LRCH2: variants seen among roughly 807,000 people sequenced by gnomAD.
LRCH2 encodes the protein leucine-rich repeat and calponin homology domain-containing protein 2.
LRCH2 carries 38 observed loss-of-function variants against 68.9 expected under a neutral mutation model. The observed-to-expected ratio is 0.55, with a 90% confidence interval of 0.43 to 0.72. The LOEUF is 0.72. LRCH2 is among the 30% of genes least tolerant of loss of function. LRCH2 has a pLI of 0.00. For missense variants in LRCH2, 528 were observed against 572.9 expected (o/e 0.92, Z 0.80); for synonymous variants, 191 against 208.1 (o/e 0.92, Z 0.71).
At chrX:115,132,796 T>A in intron 14 of LRCH2, among the ~76,000 whole-genome samples, 1 of 111,836 alleles carries the variant, frequency 8.9e-6, no homozygotes, top group Non-Finnish European at 1.9e-5. Flanking sequence ...TATTTTTGGT[T>A]TTAATCTATG....
At chrX:115,176,675 C>T (rs201989529) in intron 5 of LRCH2, among the ~76,000 whole-genome samples, 2 of 110,823 alleles carry the variant, frequency 1.8e-5, no homozygotes, top group East Asian at 5.6e-4. Context: ...TGGTCTCTGT[C>T]TTTCATGTTA....
chrX:115,128,364 G>A (rs1236925230), intron 15 of LRCH2, among the ~76,000 whole-genome samples: 1 of 111,759 alleles, frequency 8.9e-6, no homozygotes, highest in Admixed American at 9.6e-5. Context: ...GATAGTACCA[G>A]ACCCTTTATA....
chrX:115,123,725 A>G (rs1454458888), intron 17 of LRCH2, among the ~76,000 whole-genome samples: 1 of 111,548 alleles, frequency 9.0e-6, no homozygotes, highest in Non-Finnish European at 1.9e-5. Flanking sequence ...AGACTGCAGT[A>G]TATCTAAGGC....
rs781976265 is a variant in LRCH2 at position 115,218,830 on chromosome X, C to A, written c.349+14863G>T. Reference sequence around the variant, plus strand: ...TGCCACCCTGTAGAGTGTACTTTCCCTTTCGATAAATCTCAGCTTTTGCTG... The same window carrying A: ...TGCCACCCTGTAGAGTGTACTTTCCATTTCGATAAATCTCAGCTTTTGCTG... On this transcript the variant is annotated intron_variant, in intron 1 of 20. Coordinates refer to ENST00000317135, the MANE Select transcript of LRCH2 (RefSeq NM_020871.4). Among the ~76,000 whole-genome samples the A allele has an allele frequency of 8.9e-5, 10 of 112,162 alleles. No individual in the cohort carries two copies. The South Asian group carries it at 3.7e-3, about 42-fold the overall frequency.
intron 1 of LRCH2, 59 bp from the exon 2 acceptor site, chrX:115,188,429 T>A (rs2147415384): frequency 1.2e-6 from 1 of 818,160 alleles, no homozygotes; most frequent in East Asian, 3.6e-5. Context: ...TTAAAAGAAC[T>A]ATTTTCACAC....
chrX:115,128,214 A>G (rs782810544), intron 15 of LRCH2, among the ~76,000 whole-genome samples: 2 of 111,938 alleles, frequency 1.8e-5, no homozygotes, highest in African/African-American at 3.2e-5. Context: ...GCAAGAGAAA[A>G]GAGGGTATGA....
rs782656764 is a variant in LRCH2 at position 115,183,577 on chromosome X, C to G, written c.621+834G>C. Among the ~76,000 whole-genome samples the G allele has an allele frequency of 6.3e-5, 7 of 110,660 alleles. No individual in the cohort carries two copies. The South Asian group carries it at 1.6e-3, about 25-fold the overall frequency. ...GGGTGTGGTGGCGCATGGCTGTAAT[C>G]CCAACGACTTGGGAGGCTGAGCACG... On this transcript the variant is annotated intron_variant, in intron 3 of 20. Transcript: ENST00000317135.
intron 16 of LRCH2, among the ~76,000 whole-genome samples, chrX:115,124,288 G>A (rs1249635957): frequency 9.0e-6 from 1 of 111,608 alleles, no homozygotes; most frequent in African/African-American, 3.2e-5. Flanking sequence ...CATACTTTTT[G>A]AAAGAATCAG....
chrX:115,187,774 C>T (rs782501373), intron 2 of LRCH2, among the ~76,000 whole-genome samples: 1 of 112,726 alleles, frequency 8.9e-6, no homozygotes, highest in Non-Finnish European at 1.9e-5. Flanking sequence ...GAAGTAGAAG[C>T]AAGAAGTCAC....
chrX:115,217,776 T>C (rs1420423555), intron 1 of LRCH2, among the ~76,000 whole-genome samples: 2 of 111,759 alleles, frequency 1.8e-5, no homozygotes, highest in Non-Finnish European at 3.8e-5. Flanking sequence ...ATGGTATTTC[T>C]GGTTCTAGAT....
Position 115,190,085 on chromosome X carries a change from G to A in LRCH2, c.350-1715C>T, listed in dbSNP as rs782117246. On this transcript the variant is annotated intron_variant, in intron 1 of 20. Coordinates refer to ENST00000317135, the MANE Select transcript of LRCH2 (RefSeq NM_020871.4). The stretch of plus-strand genomic sequence containing the variant: ...GCTGTGCCCCGGTCAAGCCTGGCTC[G>A]CATTGGCGGCAGTGGAATGCCTGGG... 1.6e-4 allele frequency: 181 copies of A among 1,152,681 alleles called. 1 individual carries two copies. The East Asian group carries it at 3.8e-3, about 24-fold the overall frequency. 95.0% of individuals were successfully genotyped at this position (1,152,681 alleles called of 1,213,427 possible).
intron 5 of LRCH2, among the ~76,000 whole-genome samples, chrX:115,171,217 A>C (rs1556547474): frequency 1.8e-5 from 2 of 111,680 alleles, no homozygotes; most frequent in Non-Finnish European, 3.8e-5. Context: ...CATGCAAAAA[A>C]ATCAGCAAAG....
chrX:115,156,020 G>C (rs185266627), intron 12 of LRCH2, among the ~76,000 whole-genome samples: 1 of 111,661 alleles, frequency 9.0e-6, no homozygotes, highest in African/African-American at 3.2e-5. Flanking sequence ...CAGACTTAAA[G>C]CTAGGCAAAC....
In LRCH2 at chrX:115,228,428, T is replaced by C. The variant is rs147982925; in HGVS notation, c.349+5265A>G. ...AGCCTCTGCAGAATGGGGAGGTGTG[T>C]ATCATGCAGTTAAGGCATCTCACAG... On this transcript the variant is annotated intron_variant, in intron 1 of 20. Transcript: ENST00000317135. Among the ~76,000 whole-genome samples the C allele has an allele frequency of 2.2e-3, 244 of 111,468 alleles. 1 individual carries two copies. Among genetic ancestry groups the C allele is most frequent in the Middle Eastern group, 9.2e-3 (2 of 218 alleles).
intron 5 of LRCH2, among the ~76,000 whole-genome samples, chrX:115,178,706 G>C (rs1371306781): frequency 8.9e-6 from 1 of 111,757 alleles, no homozygotes; most frequent in Non-Finnish European, 1.9e-5. Context: ...AACCCCTTTA[G>C]AATGAGTGGA....
intron 12 of LRCH2, 21 bp from the exon 13 acceptor site, chrX:115,150,091 T>C: frequency 9.4e-7 from 1 of 1,059,401 alleles, no homozygotes; most frequent in African/African-American, 1.9e-5. Context: ...GAAGATGCCT[T>C]AATACGTTAA....
chrX:115,119,991 C>G (rs1206584826), intron 20 of LRCH2, among the ~76,000 whole-genome samples: 2 of 110,997 alleles, frequency 1.8e-5, no homozygotes, highest in East Asian at 5.6e-4. Flanking sequence ...AACTGGATCC[C>G]TTCCTTACAC....
At position 115,122,506 on chromosome X, in the gene LRCH2, T is replaced by C. The variant is rs782478551; in HGVS notation, c.2178+21A>G. On this transcript the variant is annotated intron_variant, in intron 20 of 20. Coordinates refer to ENST00000317135, the MANE Select transcript of LRCH2 (RefSeq NM_020871.4). ...TAAATTCAAATTTAAGTGATCACGT[T>C]GTTAGATAAATAACAATTACCTGTG... 40 of 1,160,463 alleles carry C rather than the reference T, an allele frequency of 3.4e-5. No homozygotes were observed. The East Asian group carries it at 1.0e-3, about 29-fold the overall frequency.
intron 11 of LRCH2, among the ~76,000 whole-genome samples, chrX:115,160,180 CTAGCGCAT>C (rs2072507943): frequency 9.1e-6 from 1 of 109,925 alleles, no homozygotes; most frequent in African/African-American, 3.3e-5. Context: ...GCCAGGCATG[CTAGCGCAT>C]GCCTGTAGTC....
Sources: allele counts gnomAD v4.1 joint callset (sites outside exome capture counted in the v4.1 genomes callset), GRCh38; gene constraint gnomAD v4.1.1; transcripts MANE v1.5; gene names NCBI Gene and HGNC (gene_info 2026-07-23, HGNC 2026-07-21).